The following NALF1 variants were observed in gnomAD, a reference collection of about 807,000 sequenced individuals.
NALF1 encodes the protein family with sequence similarity 155 member A.
A neutral mutation model predicts 48.4 loss-of-function variants in NALF1; 3 were observed. The observed-to-expected ratio is 0.06, with a 90% CI of 0.03 to 0.16. The LOEUF is 0.16. Among genes scored for constraint, NALF1 ranks in the 10% least tolerant of loss-of-function variants. The pLI is 1.00. For synonymous variants in NALF1, 262 were observed against 245.7 expected, an observed-to-expected ratio of 1.07 and a Z score of -0.62; for missense variants, 526 against 571.5, an observed-to-expected ratio of 0.92 and a Z score of 0.81.
intron 1 of NALF1, among the ~76,000 whole-genome samples, chr13:107,262,326 G>A (rs1281008777): frequency 2.6e-5 from 4 of 152,058 alleles, no homozygotes; most frequent in Non-Finnish European, 4.4e-5. Context: ...GAGACAGGAG[G>A]ATCACTTGAA....
intron 1 of NALF1, among the ~76,000 whole-genome samples, chr13:107,812,301 A>G (rs1268831038): frequency 6.6e-6 from 1 of 152,116 alleles, no homozygotes; most frequent in Non-Finnish European, 1.5e-5. Context: ...CTGGCCTCAA[A>G]TGAATTAAAT....
At position 107,496,725 on chromosome 13, in the gene NALF1, CTGGGGA is replaced by C. The variant is rs751663589; in HGVS notation, c.916-285976_916-285971del. On this transcript the variant is annotated intron_variant, in intron 1 of 2. Coordinates refer to ENST00000375915, the MANE Select transcript of NALF1 (RefSeq NM_001080396.3). ...TTATTGGACTTACAGTTCCACATGG[CTGGGGA>C]AGCCTCAAAATCATGGTGGAAGGCA... is the stretch of plus-strand genomic sequence containing the variant. Among the ~76,000 whole-genome samples the C allele has an allele frequency of 3.1e-3, 466 of 152,264 alleles. 3 individuals are homozygous for C. The highest frequency in any genetic ancestry group is 5.1e-3 in the Non-Finnish European group (344 of 68,008).
At chr13:107,462,210 T>A in intron 1 of NALF1, among the ~76,000 whole-genome samples, 1 of 152,088 alleles carries the variant, frequency 6.6e-6, no homozygotes, top group Middle Eastern at 3.2e-3. Flanking sequence ...ACCAGCAACC[T>A]TCAAAAAACT....
At chr13:107,736,219 ACACACGCG>A (rs56945702) in intron 1 of NALF1, among the ~76,000 whole-genome samples, 14,007 of 34,018 alleles carry the variant, frequency 0.41, 888 homozygotes, top group East Asian at 0.58. Flanking sequence ...ACACACACAC[ACACACGCG>A]CGCGTGTACC....
intron 1 of NALF1, among the ~76,000 whole-genome samples, chr13:107,558,668 G>A (rs1877553326): frequency 6.6e-6 from 1 of 152,140 alleles, no homozygotes; most frequent in South Asian, 2.1e-4. Context: ...CCATTTGACT[G>A]GCTAATGCCC....
intron 1 of NALF1, among the ~76,000 whole-genome samples, chr13:107,229,849 T>C (rs1594080283): frequency 1.3e-5 from 2 of 152,318 alleles, no homozygotes; most frequent in East Asian, 1.9e-4. Flanking sequence ...CCTCTTTCCA[T>C]TGCTGCCTCA....
chr13:107,844,975 T>C (rs1056182910), intron 1 of NALF1, among the ~76,000 whole-genome samples: 1 of 152,170 alleles, frequency 6.6e-6, no homozygotes, highest in Non-Finnish European at 1.5e-5. Context: ...AATACTTAGG[T>C]ATCAGATATA....
chr13:107,758,893 A>G (rs943362508), intron 1 of NALF1, among the ~76,000 whole-genome samples: 1 of 152,222 alleles, frequency 6.6e-6, no homozygotes, highest in African/African-American at 2.4e-5. Context: ...ACCAACCTAA[A>G]GAACAAGACC....
intron 1 of NALF1, among the ~76,000 whole-genome samples, chr13:107,660,898 G>A (rs1482292319): frequency 6.6e-6 from 1 of 152,002 alleles, no homozygotes; most frequent in East Asian, 1.9e-4. Flanking sequence ...GGAAATCTCT[G>A]TACCTTCTGC....
At chr13:107,426,430 A>C (rs1884282502) in intron 1 of NALF1, among the ~76,000 whole-genome samples, 1 of 152,226 alleles carries the variant, frequency 6.6e-6, no homozygotes, top group Non-Finnish European at 1.5e-5. Flanking sequence ...ACTGACGGAC[A>C]GGACAAATAT....
At chr13:107,650,157 TGATATAGTTTC>T (rs1372976599) in intron 1 of NALF1, among the ~76,000 whole-genome samples, 1 of 152,062 alleles carries the variant, frequency 6.6e-6, no homozygotes, top group Non-Finnish European at 1.5e-5. Context: ...CTGTCATTAA[TGATATAGTTTC>T]GATTTATCTG....
chr13:107,168,569 G>A lies in NALF1; in HGVS notation c.*1928C>T. On this transcript the variant is annotated 3_prime_UTR_variant, in exon 3 of 3. Transcript: ENST00000375915. ...TTTTCTTTTTTTTTGTATTTGCGCA[G>A]ACCATTTTAAGATTTTCAGTCTCAA... The A allele has an allele frequency of 6.6e-6, 1 of 152,324 alleles. No individual in the cohort carries two copies. The highest frequency in any genetic ancestry group is 3.2e-3 in the Middle Eastern group (1 of 312). 9.4% of individuals were successfully genotyped at this position (152,324 alleles called of 1,614,324 possible).
chr13:107,555,570 T>C lies in NALF1; in HGVS notation c.915+310112A>G, dbSNP rs373011550. 1.1e-4 allele frequency among the ~76,000 whole-genome samples: 16 copies of C among 151,066 alleles called. No individual in the cohort carries two copies. The South Asian group carries it at 3.3e-3, about 32-fold the overall frequency. ...TCGGCCTCCCAAAGTGATGAGATTA[T>C]AGGCGTGAGCTACCACGCCCAGCCA... On this transcript the variant is annotated intron_variant, in intron 1 of 2. Coordinates refer to ENST00000375915, the MANE Select transcript of NALF1 (RefSeq NM_001080396.3).
chr13:107,680,475 AGAGT>A (rs1881262078), intron 1 of NALF1, among the ~76,000 whole-genome samples: 2 of 151,722 alleles, frequency 1.3e-5, no homozygotes, highest in South Asian at 2.1e-4. Flanking sequence ...CATATGAATG[AGAGT>A]GTGTGTATGA....
chr13:107,777,581 C>T (rs1286955046), intron 1 of NALF1, among the ~76,000 whole-genome samples: 2 of 152,134 alleles, frequency 1.3e-5, no homozygotes, highest in Non-Finnish European at 2.9e-5. Context: ...CTCCTGCATT[C>T]GTCATGTAAA....
intron 1 of NALF1, among the ~76,000 whole-genome samples, chr13:107,328,822 C>G (rs942065965): frequency 6.6e-6 from 1 of 152,182 alleles, no homozygotes; most frequent in African/African-American, 2.4e-5. Context: ...TGGTGGCCAA[C>G]GCTATCAAAA....
intron 1 of NALF1, among the ~76,000 whole-genome samples, chr13:107,586,102 G>A (rs1190905457): frequency 2.6e-5 from 4 of 152,084 alleles, no homozygotes; most frequent in African/African-American, 9.7e-5. Context: ...GGCTATGTGT[G>A]AAAGAGAAAA....
intron 1 of NALF1, among the ~76,000 whole-genome samples, chr13:107,776,048 G>C: frequency 6.6e-6 from 1 of 152,210 alleles, no homozygotes; most frequent in Non-Finnish European, 1.5e-5. Flanking sequence ...TCAGCAGCAA[G>C]AGGGAAAGAG....
At chr13:107,846,759 C>T (rs547084729) in intron 1 of NALF1, among the ~76,000 whole-genome samples, 45 of 152,084 alleles carry the variant, frequency 3.0e-4, no homozygotes, top group Non-Finnish European at 5.6e-4. Flanking sequence ...CCTAAAGTGC[C>T]TTCGTGTTTA....
Sources: gnomAD v4.1 joint callset for allele counts (sites outside exome capture counted in the v4.1 genomes callset) on GRCh38, gnomAD v4.1.1 for gene constraint, MANE v1.5 for transcripts, NCBI Gene and HGNC (gene_info 2026-07-23, HGNC 2026-07-21) for gene names.